The following SMARCD3 variants were observed in gnomAD, a reference collection of about 807,000 sequenced individuals.
SMARCD3 encodes SWI/SNF related BAF chromatin remodeling complex subunit D3.
Under a neutral mutation model 58.0 loss-of-function variants are expected in SMARCD3, and 14 were observed. That is an observed-to-expected ratio of 0.24 (90% CI 0.16 to 0.38). The LOEUF (loss-of-function observed/expected upper bound fraction) is 0.38, where lower values mean the gene tolerates loss of function less well. SMARCD3 is among the 10% of genes least tolerant of loss of function. SMARCD3 has a pLI of 1.00. For synonymous variants in SMARCD3, 253 were observed against 253.8 expected, an observed-to-expected ratio of 1.00 and a Z score of 0.03; for missense variants, 408 against 636.9, an observed-to-expected ratio of 0.64 and a Z score of 3.87.
rs1250730786 is a variant in SMARCD3 at position 151,257,137 on chromosome 7, C to T, written c.40-11466G>A. ...AACTCCCGGGCTCAAGTGATCCTCC[C>T]GCCTCAGCCTCCCAAACTGCTGGCA... is the stretch of plus-strand genomic sequence containing the variant. On this transcript the variant is annotated intron_variant, in intron 2 of 13. Coordinates refer to the SMARCD3 transcript ENST00000356800. Among the ~76,000 whole-genome samples, 7 of 152,164 alleles carry T rather than the reference C, an allele frequency of 4.6e-5. No homozygotes were observed. The South Asian group carries it at 1.0e-3, about 23-fold the overall frequency.
In SMARCD3 at chr7:151,242,608, A is replaced by G; in HGVS notation, c.457-5T>C. 6.2e-7 allele frequency: 1 copy of G among 1,612,954 alleles called. No homozygotes were observed. ...GAGTCGCAGCTTCCGCTTTTGCTGT[A>G]GAAATAGAGTGCAGAACCGGGCGAA... On this transcript the variant is annotated splice_region_variant and splice_polypyrimidine_tract_variant and intron_variant, in intron 4 of 12. Transcript: ENST00000262188. This position sits in a 1 kb window ranked among gnomAD's most constrained non-coding sequence, Gnocchi z 4.7.
At chr7:151,268,182 G>T (rs1010774444) in intron 2 of SMARCD3, among the ~76,000 whole-genome samples, 5 of 152,158 alleles carry the variant, frequency 3.3e-5, no homozygotes, top group Admixed American at 6.5e-5. Context: ...AGCCCTCACT[G>T]TGTCCTAAAC....
In SMARCD3 at chr7:151,248,014, G is replaced by A. The variant is rs1215844685; in HGVS notation, c.78+471C>T. On this transcript the variant is annotated intron_variant, in intron 1 of 12. Transcript: ENST00000262188. The surrounding 1 kb of genome is among the most constrained non-coding windows in gnomAD (Gnocchi z 6.1). ...AGGTGGCTCAGCCTGCGAGCTTCCCGCTACAGTGCCTCCAGGGTCACCTGC... is the reference window on the plus strand; with the variant it reads ...AGGTGGCTCAGCCTGCGAGCTTCCCACTACAGTGCCTCCAGGGTCACCTGC... 6.6e-6 allele frequency among the ~76,000 whole-genome samples: 1 copy of A among 152,020 alleles called. No individual in the cohort carries two copies. Among genetic ancestry groups the A allele is most frequent in the Non-Finnish European group, 1.5e-5 (1 of 67,990 alleles).
At chr7:151,240,023 C>A in intron 10 of SMARCD3, 89 bp downstream of exon 10, 2 of 1,310,028 alleles carry the variant, frequency 1.5e-6, no homozygotes, top group Non-Finnish European at 2.2e-6. Context: ...ACCCAGACTG[C>A]TCATCTGCAA....
intron 2 of SMARCD3, among the ~76,000 whole-genome samples, chr7:151,268,784 T>C (rs1795071277): frequency 6.6e-6 from 1 of 152,076 alleles, no homozygotes; most frequent in African/African-American, 2.4e-5. Flanking sequence ...TTTTTTTTAA[T>C]GTAGAGATGA....
At chr7:151,253,150 G>C (rs559285259), upstream of SMARCD3, among the ~76,000 whole-genome samples, 1 of 152,256 alleles carries the variant, frequency 6.6e-6, no homozygotes, top group South Asian at 2.1e-4. Flanking sequence ...GAGGAAGGAG[G>C]GGGACAGAGG....
intron 2 of SMARCD3, among the ~76,000 whole-genome samples, chr7:151,257,357 C>T (rs561959659): frequency 7.9e-4 from 121 of 152,336 alleles, no homozygotes; most frequent in African/African-American, 2.8e-3. Flanking sequence ...GCAGGGCCAC[C>T]GGTAGCCTCC....
chr7:151,274,769 T>A (rs1181805207), intron 2 of SMARCD3, among the ~76,000 whole-genome samples: 1 of 152,102 alleles, frequency 6.6e-6, no homozygotes, highest in Non-Finnish European at 1.5e-5. Context: ...GGGGAGGAAG[T>A]AGAGCATGCC....
chr7:151,241,907 G>C lies in SMARCD3; in HGVS notation c.747C>G (p.Arg249=). ...AGTCCAGCATGAGGAGCAGCGTGCA[G>C]CGCACACTCAGGTCCCCAGGCCGTT... ...QVKRPGDLSV[R]CTLLLMLDYQ... The change falls in exon 7 of 13, where the codon CGC becomes CGG. Residue 249 remains arginine, a synonymous_variant. Transcript: ENST00000262188. The surrounding 1 kb of genome is among the most constrained non-coding windows in gnomAD (Gnocchi z 5.3). 1 of 1,612,282 alleles carries C rather than the reference G, an allele frequency of 6.2e-7. No individual in the cohort carries two copies. The highest frequency in any genetic ancestry group is 8.5e-7 in the Non-Finnish European group (1 of 1,179,250).
At position 151,243,724 on chromosome 7, in the gene SMARCD3, A is replaced by G; in HGVS notation, c.291-23T>C. On this transcript the variant is annotated intron_variant, in intron 2 of 12. Coordinates refer to ENST00000262188, the MANE Select transcript of SMARCD3 (RefSeq NM_001003801.2). This position sits in a 1 kb window ranked among gnomAD's most constrained non-coding sequence, Gnocchi z 4.4. ...GCACTGTACATTTTTTAAAGAAAAA[A>G]CCAGGTTACCATGGCGACAGATCTG... The G allele has an allele frequency of 6.3e-7, 1 of 1,581,400 alleles. No individual in the cohort carries two copies. Among genetic ancestry groups the G allele is most frequent in the Admixed American group, 1.7e-5 (1 of 59,954 alleles).
chr7:151,255,385 G>GC (rs886864030), intron 2 of SMARCD3, among the ~76,000 whole-genome samples: 1 of 152,094 alleles, frequency 6.6e-6, no homozygotes, highest in African/African-American at 2.4e-5. Context: ...GGTGGGTATG[G>GC]CCCCCCATTG....
At chr7:151,255,174 CA>C (rs1803660556) in intron 2 of SMARCD3, among the ~76,000 whole-genome samples, 1 of 152,144 alleles carries the variant, frequency 6.6e-6, no homozygotes, top group Admixed American at 6.5e-5. Flanking sequence ...CAGACCCCCT[CA>C]ACTCCTGCAC....
At chr7:151,240,657 AT>A in intron 8 of SMARCD3, 135 bp from the exon 9 acceptor site, 1 of 448,292 alleles carries the variant, frequency 2.2e-6, no homozygotes. Flanking sequence ...TGGGGATGGG[AT>A]TGGGGTGGGC....
At chr7:151,266,873 G>C (rs1804097412) in intron 2 of SMARCD3, among the ~76,000 whole-genome samples, 1 of 152,146 alleles carries the variant, frequency 6.6e-6, no homozygotes, top group African/African-American at 2.4e-5. Context: ...CACCATGTCT[G>C]GCTAACTGTT....
chr7:151,242,950 C>T lies in SMARCD3; in HGVS notation c.334-107G>A, dbSNP rs1803074465. ...AGGGTACAAAAGATGTCAGGGGAGC[C>T]ATCCTACTTTTGGGCATGTAGCTTT... On this transcript the variant is annotated intron_variant, in intron 3 of 12. Transcript: ENST00000262188. The surrounding 1 kb of genome is among the most constrained non-coding windows in gnomAD (Gnocchi z 4.7). 9.3e-6 allele frequency: 13 copies of T among 1,400,906 alleles called. No homozygotes were observed. Among genetic ancestry groups the T allele is most frequent in the South Asian group, 1.3e-5 (1 of 74,174 alleles). The allele number at this position is 1,400,906 out of a possible 1,614,324, so 86.8% of individuals were successfully genotyped here.
In SMARCD3 at chr7:151,242,069, C is replaced by T. The variant is rs1803018624; in HGVS notation, c.675+68G>A. 1.3e-6 allele frequency: 2 copies of T among 1,540,780 alleles called. No individual in the cohort carries two copies. The highest frequency in any genetic ancestry group is 1.8e-6 in the Non-Finnish European group (2 of 1,113,778). ...GGGTGGTCCCTGACCCAAATCTGTG[C>T]TGGTTCTTCAGGGATTCTGGCCTGT... is the stretch of plus-strand genomic sequence containing the variant. On this transcript the variant is annotated intron_variant, in intron 6 of 12. Transcript: ENST00000262188. The surrounding 1 kb of genome is among the most constrained non-coding windows in gnomAD (Gnocchi z 4.7).
chr7:151,275,867 A>G (rs1477178098), intron 1 of SMARCD3, among the ~76,000 whole-genome samples: 5 of 152,114 alleles, frequency 3.3e-5, no homozygotes, highest in Non-Finnish European at 5.9e-5. Context: ...ACGGTGGGGC[A>G]TGGGAGCTAA....
chr7:151,251,680 A>T (rs1803515500), upstream of SMARCD3, among the ~76,000 whole-genome samples: 2 of 151,804 alleles, frequency 1.3e-5, no homozygotes, highest in Non-Finnish European at 2.9e-5. Flanking sequence ...CGCCCGCCGC[A>T]CTTGGGGCAG....
At chr7:151,256,543 T>A (rs1172370710) in intron 2 of SMARCD3, among the ~76,000 whole-genome samples, 1 of 152,092 alleles carries the variant, frequency 6.6e-6, no homozygotes, top group African/African-American at 2.4e-5. Flanking sequence ...ACCACGCACC[T>A]GAATGTGGCC....
Sources: allele counts gnomAD v4.1 joint callset (sites outside exome capture counted in the v4.1 genomes callset), GRCh38; gene constraint gnomAD v4.1.1; non-coding constraint Gnocchi (gnomAD v3.1); transcripts MANE v1.5; gene names NCBI Gene and HGNC (gene_info 2026-07-23, HGNC 2026-07-21).